Variants in LRRC49 observed in about 807,000 individuals in gnomAD.
LRRC49 encodes the protein leucine rich repeat containing 49.
Under a neutral mutation model 83.3 loss-of-function variants are expected in LRRC49, and 50 were observed. The observed-to-expected ratio is 0.60, with a 90% CI of 0.48 to 0.76. The LOEUF is 0.76. Ranked by LOEUF, LRRC49 falls within the 30% of genes least tolerant of loss-of-function variation. The pLI, the probability that LRRC49 is intolerant of heterozygous loss-of-function variation, is 0.00. For missense variants in LRRC49, 704 were observed against 809.1 expected (o/e 0.87, Z 1.58); for synonymous variants, 286 against 283.3 (o/e 1.01, Z -0.10).
chr15:70,986,745 C>T (rs541880908), intron 11 of LRRC49, among the ~76,000 whole-genome samples: 156 of 152,272 alleles, frequency 1.0e-3, no homozygotes, highest in African/African-American at 3.8e-3. Context: ...AGTTTTTGCC[C>T]ATTCAGTCTG....
chr15:70,942,033 A>ATTTCTG (rs1340541101), intron 8 of LRRC49, among the ~76,000 whole-genome samples: 3 of 144,088 alleles, frequency 2.1e-5, no homozygotes, highest in African/African-American at 7.8e-5. Flanking sequence ...TGTAAAGGTT[A>ATTTCTG]TGTGTGTGTG....
Position 70,893,718 on chromosome 15 carries a change from A to G in LRRC49, c.105+78A>G, listed in dbSNP as rs1168202731. 3.5e-6 allele frequency: 4 copies of G among 1,129,000 alleles called. No individual in the cohort carries two copies. The African/African-American group carries it at 6.2e-5, about 18-fold the overall frequency. The allele number at this position is 1,129,000 out of a possible 1,614,324, so 69.9% of individuals were successfully genotyped here. A position where few individuals can be genotyped will look rare whatever the true frequency, so the allele number is the denominator to read the frequency against. The stretch of plus-strand genomic sequence containing the variant: ...CAAATAGCAGCATGACTTAAAGTGT[A>G]GATAGATTCTAAACTGAAAAATTTA... On this transcript the variant is annotated intron_variant, in intron 2 of 15. Coordinates refer to ENST00000260382, the MANE Select transcript of LRRC49 (RefSeq NM_017691.5).
At chr15:70,901,700 T>C (rs965836074) in intron 4 of LRRC49, among the ~76,000 whole-genome samples, 1 of 152,352 alleles carries the variant, frequency 6.6e-6, no homozygotes, top group African/African-American at 2.4e-5. Context: ...TATTTACTTA[T>C]TATGTTTAGT....
chr15:70,977,175 C>G (rs1284118851), intron 9 of LRRC49, among the ~76,000 whole-genome samples: 1 of 152,102 alleles, frequency 6.6e-6, no homozygotes, highest in Non-Finnish European at 1.5e-5. Context: ...CTCTTTTAAA[C>G]ACTTTATTCT....
chr15:70,936,758 C>T lies in LRRC49; in HGVS notation c.712-3C>T, dbSNP rs1372462537. The T allele has an allele frequency of 6.3e-7, 1 of 1,597,840 alleles. No homozygotes were observed. Among genetic ancestry groups the T allele is most frequent in the Non-Finnish European group, 8.6e-7 (1 of 1,165,938 alleles). On this transcript the variant is annotated splice_region_variant and splice_polypyrimidine_tract_variant and intron_variant, in intron 7 of 15. Coordinates refer to ENST00000260382, the MANE Select transcript of LRRC49 (RefSeq NM_017691.5). ...TTAAGTTTTGCTGTCTATTTTCTTC[C>T]AGAGAGATGTGGATAATTTGCCCTG... is the stretch of plus-strand genomic sequence containing the variant.
chr15:70,934,383 G>A (rs546379778), intron 7 of LRRC49, among the ~76,000 whole-genome samples: 2 of 152,216 alleles, frequency 1.3e-5, no homozygotes, highest in South Asian at 2.1e-4. Context: ...AAATGATTGT[G>A]TATAATTATT....
At position 71,012,511 on chromosome 15, in the gene LRRC49, A is replaced by G. The variant is rs146771821; in HGVS notation, c.1594-293A>G. Among the ~76,000 whole-genome samples, 291 of 152,028 alleles carry G rather than the reference A, an allele frequency of 1.9e-3. 2 individuals carry two copies. Among genetic ancestry groups the G allele is most frequent in the African/African-American group, 6.8e-3 (282 of 41,472 alleles). On this transcript the variant is annotated intron_variant, in intron 13 of 15. Transcript: ENST00000260382. Reference sequence around the variant, plus strand: ...TATAGGATTTCTGAAAAAAAAAAATACTAAAAATTGAAGGTACCTCAAGTG... The same window carrying G: ...TATAGGATTTCTGAAAAAAAAAAATGCTAAAAATTGAAGGTACCTCAAGTG...
chr15:70,893,153 C>G, intron 1 of LRRC49: 1 of 620,150 alleles, frequency 1.6e-6, no homozygotes. Context: ...GATCTGGGCT[C>G]CCCAGAAGGT....
intron 8 of LRRC49, among the ~76,000 whole-genome samples, chr15:70,959,128 G>A (rs1488865312): frequency 6.6e-6 from 1 of 152,200 alleles, no homozygotes; most frequent in Non-Finnish European, 1.5e-5. Context: ...GAATGAGAAT[G>A]ACTCTAATAT....
At chr15:70,953,956 G>T (rs967383623) in intron 8 of LRRC49, among the ~76,000 whole-genome samples, 1 of 151,800 alleles carries the variant, frequency 6.6e-6, no homozygotes, top group Non-Finnish European at 1.5e-5. Context: ...GTGCAGTGGC[G>T]TGATCTTGGC....
rs899256521 is a variant in LRRC49 at position 70,853,906 on chromosome 15, C to T, written c.-299+437C>T. 5 of 1,356,984 alleles carry T rather than the reference C, an allele frequency of 3.7e-6. No homozygotes were observed. The African/African-American group carries it at 6.0e-5, about 16-fold the overall frequency. The allele number at this position is 1,356,984 out of a possible 1,614,324, so 84.1% of individuals were successfully genotyped here. On this transcript the variant is annotated intron_variant, in intron 1 of 16. Transcript: ENST00000544974. ...GCGCCTACCTGTGCCCGCGGCTCGG[C>T]TCCTCCTCGCTCGCGCTGCCCCAGC...
At chr15:70,919,850 G>A (rs1393330571) in intron 7 of LRRC49, among the ~76,000 whole-genome samples, 1 of 152,124 alleles carries the variant, frequency 6.6e-6, no homozygotes, top group Non-Finnish European at 1.5e-5. Flanking sequence ...TGAGCAGGAG[G>A]AAAAAGAGTT....
intron 8 of LRRC49, among the ~76,000 whole-genome samples, chr15:70,939,729 C>T (rs888974666): frequency 1.3e-5 from 2 of 152,024 alleles, no homozygotes; most frequent in African/African-American, 4.8e-5. Flanking sequence ...ACCTACGTCA[C>T]TGTTAAAATA....
At chr15:71,018,612 T>C (rs2141273709) in intron 14 of LRRC49, among the ~76,000 whole-genome samples, 1 of 152,226 alleles carries the variant, frequency 6.6e-6, no homozygotes, top group East Asian at 1.9e-4. Flanking sequence ...TCAACACAGA[T>C]ATGTGAGGGG....
chr15:70,898,443 G>A, intron 3 of LRRC49: 2 of 701,770 alleles, frequency 2.8e-6, no homozygotes, highest in South Asian at 1.5e-5. Flanking sequence ...GGAAGACAAG[G>A]GCTACATATC....
upstream of LRRC49, chr15:70,891,735 A>G (rs1391256025): frequency 9.7e-7 from 1 of 1,027,804 alleles, no homozygotes; most frequent in East Asian, 2.6e-5. Flanking sequence ...TTTGCAGATT[A>G]GAAAACAGGA....
intron 3 of LRRC49, among the ~76,000 whole-genome samples, chr15:70,898,186 A>G (rs981899976): frequency 5.3e-5 from 8 of 152,198 alleles, no homozygotes; most frequent in African/African-American, 1.9e-4. Flanking sequence ...CCATCTCTGT[A>G]TCTAGCATAC....
At chr15:71,038,748 G>T (rs1304518901) in intron 15 of LRRC49, among the ~76,000 whole-genome samples, 1 of 152,052 alleles carries the variant, frequency 6.6e-6, no homozygotes, top group Non-Finnish European at 1.5e-5. Flanking sequence ...AGTGATCCTA[G>T]TACCACCTTA....
At position 70,904,669 on chromosome 15, in the gene LRRC49, G is replaced by T. The variant is rs200468894; in HGVS notation, c.414G>T (p.Ser138=). Reference sequence around the variant, plus strand: ...TTTCTAATCTACAGAAGTTAATATCGTTGGATTTATATGATAACCAGATTG... The same window carrying T: ...TTTCTAATCTACAGAAGTTAATATCTTTGGATTTATATGATAACCAGATTG... ...QNISNLQKLI[S]LDLYDNQIEE... The change falls in exon 5 of 16, where the codon TCG becomes TCT. Residue 138 remains serine, a synonymous_variant. Coordinates refer to ENST00000260382, the MANE Select transcript of LRRC49 (RefSeq NM_017691.5). 1.2e-6 allele frequency: 2 copies of T among 1,612,918 alleles called. No homozygotes were observed. Among genetic ancestry groups the T allele is most frequent in the South Asian group, 1.1e-5 (1 of 91,028 alleles).
Sources: allele counts gnomAD v4.1 joint callset (sites outside exome capture counted in the v4.1 genomes callset), GRCh38; gene constraint gnomAD v4.1.1; transcripts MANE v1.5; gene names NCBI Gene and HGNC (gene_info 2026-07-23, HGNC 2026-07-21).